SMARCA5: variants seen among roughly 807,000 people sequenced by gnomAD.
The protein encoded by SMARCA5 is SWI/SNF-related matrix-associated actin-dependent regulator of chromatin subfamily A member 5.
In SMARCA5, 18 loss-of-function variants were observed where a neutral mutation model predicts 140.4. That is an observed-to-expected ratio of 0.13 (90% CI 0.09 to 0.19). The LOEUF (loss-of-function observed/expected upper bound fraction) is 0.19, where lower values mean the gene tolerates loss of function less well. Among genes scored for constraint, SMARCA5 ranks in the 10% least tolerant of loss-of-function variants. SMARCA5 has a pLI of 1.00. For missense variants in SMARCA5, 606 were observed against 1,276.8 expected (o/e 0.47, Z 8.01); for synonymous variants, 449 against 419.6 (o/e 1.07, Z -0.86).
At chr4:143,541,458 A>G (rs140322258) in intron 14 of SMARCA5, among the ~76,000 whole-genome samples, 52 of 152,324 alleles carry the variant, frequency 3.4e-4, no homozygotes, top group African/African-American at 1.2e-3. Flanking sequence ...ATATGTCTGC[A>G]TACCTGAAGA....
rs1327184152 is a variant in SMARCA5, at chr4:143,555,284, A to G, written c.*2100A>G. ...TGAAGACTGATTGTTGTCATTGCCAAAATCATTGTAGCTTTTACCACCTCC... is the reference window on the plus strand; with the variant it reads ...TGAAGACTGATTGTTGTCATTGCCAGAATCATTGTAGCTTTTACCACCTCC... On this transcript the variant is annotated 3_prime_UTR_variant, in exon 24 of 24. Coordinates refer to ENST00000283131, the MANE Select transcript of SMARCA5 (RefSeq NM_003601.4). 2.5e-6 allele frequency: 2 copies of G among 808,458 alleles called. No individual in the cohort carries two copies. Among genetic ancestry groups the G allele is most frequent in the East Asian group, 2.5e-5 (1 of 40,530 alleles). 50.1% of individuals were successfully genotyped at this position (808,458 alleles called of 1,614,324 possible). A position where few individuals can be genotyped will look rare whatever the true frequency, so the allele number is the denominator to read the frequency against.
rs1737367033 is a variant in SMARCA5, at chr4:143,538,766, C to A, written c.1618-20C>A. ...AAGAATCAGATAAATTTTTTGACAA[C>A]CATTTTGTTTTATCCATAGGACTCC... On this transcript the variant is annotated intron_variant, in intron 12 of 23. Transcript: ENST00000283131. 6.2e-7 allele frequency: 1 copy of A among 1,613,078 alleles called. No individual in the cohort carries two copies. Among genetic ancestry groups the A allele is most frequent in the Non-Finnish European group, 8.5e-7 (1 of 1,179,438 alleles).
chr4:143,548,163 T>G, intron 22 of SMARCA5, 23 bp downstream of exon 22: 1 of 1,439,118 alleles, frequency 6.9e-7, no homozygotes, highest in Non-Finnish European at 9.7e-7. Context: ...GGCTTTTTTG[T>G]GTAATGTAGC....
At chr4:143,518,529 A>AT (rs1462401761) in intron 2 of SMARCA5, among the ~76,000 whole-genome samples, 1 of 152,036 alleles carries the variant, frequency 6.6e-6, no homozygotes, top group African/African-American at 2.4e-5. Flanking sequence ...GATCTTACAT[A>AT]TTTTTTAAAA....
At chr4:143,515,233 G>A (rs531559152) in intron 1 of SMARCA5, among the ~76,000 whole-genome samples, 13 of 152,180 alleles carry the variant, frequency 8.5e-5, no homozygotes, top group Admixed American at 2.6e-4. Context: ...GTTATATTTG[G>A]GTAGCTGGGG....
At chr4:143,551,322 C>A (rs1737636007) in intron 23 of SMARCA5, among the ~76,000 whole-genome samples, 1 of 152,020 alleles carries the variant, frequency 6.6e-6, no homozygotes. Context: ...AATCCTTTGA[C>A]AAATGGGTAG....
Position 143,536,641 on chromosome 4 carries a change from G to C in SMARCA5, c.1458G>C (p.Val486=), listed in dbSNP as rs201819764. The C allele has an allele frequency of 6.2e-7, 1 of 1,613,454 alleles. No individual in the cohort carries two copies. Among genetic ancestry groups the C allele is most frequent in the Non-Finnish European group, 8.5e-7 (1 of 1,179,632 alleles). ...TAGTAACCAACAGTGGCAAAATGGT[G>C]GTTTTAGACAAGCTGCTCCCTAAGT... ...MHLVTNSGKM[V]VLDKLLPKLK... Residue 486 remains valine (V), a synonymous_variant, in exon 11 of 24, where the codon GTG becomes GTC. Coordinates refer to ENST00000283131, the MANE Select transcript of SMARCA5 (RefSeq NM_003601.4).
At chr4:143,545,066 C>T (rs1156883045) in intron 17 of SMARCA5, among the ~76,000 whole-genome samples, 3 of 151,678 alleles carry the variant, frequency 2.0e-5, no homozygotes, top group Non-Finnish European at 4.4e-5. Context: ...CCTCACCCTT[C>T]CGAGTAGCTG....
Position 143,514,020 on chromosome 4 carries a change from C to T in SMARCA5, c.96C>T (p.Ser32=). The change falls in exon 1 of 24, where the codon AGC becomes AGT. Residue 32 remains serine (S), a synonymous_variant. Transcript: ENST00000283131. ...TCGCCAGCGGCGGGAGCAACAGCAG[C>T]AACAAAGGCGGCCCCGAAGGCGTCG... ...ASIASGGSNS[S]NKGGPEGVAA... 1 of 1,553,076 alleles carries T rather than the reference C, an allele frequency of 6.4e-7. No homozygotes were observed. The highest frequency in any genetic ancestry group is 8.6e-7 in the Non-Finnish European group (1 of 1,156,900).
chr4:143,544,139 A>AG (rs1365443383), intron 16 of SMARCA5, 167 bp downstream of exon 16: 3 of 423,258 alleles, frequency 7.1e-6, no homozygotes, highest in Non-Finnish European at 1.2e-5. Flanking sequence ...CCAGTTTTTC[A>AG]GTTGGTAAGC....
At chr4:143,550,225 CTTTTTT>C (rs70953739) in intron 23 of SMARCA5, 121 bp downstream of exon 23, 28 of 215,574 alleles carry the variant, frequency 1.3e-4, no homozygotes, top group East Asian at 4.8e-4. Flanking sequence ...ATTGCCTTTA[CTTTTTT>C]TTTTTTTTTT....
chr4:143,520,286 TG>T (rs1235905877), intron 2 of SMARCA5, among the ~76,000 whole-genome samples: 2 of 152,244 alleles, frequency 1.3e-5, no homozygotes, highest in Non-Finnish European at 2.9e-5. Context: ...CATTCACATA[TG>T]TATCTTGTTC....
At chr4:143,517,534 C>T (rs1736866028) in intron 2 of SMARCA5, 105 bp downstream of exon 2, 1 of 627,678 alleles carries the variant, frequency 1.6e-6, no homozygotes, top group East Asian at 3.3e-5. Context: ...AACAATACCA[C>T]AGACTGGGTA....
At position 143,556,284 on chromosome 4, in the gene SMARCA5, T is replaced by TATATAAATGATC. The variant is rs1406632253; in HGVS notation, c.*3101_*3112dup. The TATATAAATGATC allele has an allele frequency of 6.6e-6, 1 of 152,222 alleles. No individual in the cohort carries two copies. Among genetic ancestry groups the TATATAAATGATC allele is most frequent in the Non-Finnish European group, 1.5e-5 (1 of 68,036 alleles). 9.4% of individuals were successfully genotyped at this position (152,222 alleles called of 1,614,324 possible). ...ATCTGGATTTAATTATATAAATGAT[T>TATATAAATGATC]ATATAAATGATCTTTGGCTTAGTAC... On this transcript the variant is annotated 3_prime_UTR_variant, in exon 24 of 24. Transcript: ENST00000283131.
chr4:143,535,160 C>G (rs1272170746), intron 10 of SMARCA5, among the ~76,000 whole-genome samples, 196 bp downstream of exon 10: 1 of 152,106 alleles, frequency 6.6e-6, no homozygotes, highest in Non-Finnish European at 1.5e-5. Context: ...TGTTAGATGA[C>G]AGAATCAGGA....
intron 9 of SMARCA5, among the ~76,000 whole-genome samples, chr4:143,534,370 T>G (rs1308700209): frequency 1.3e-5 from 2 of 152,134 alleles, no homozygotes; most frequent in Admixed American, 1.3e-4. Context: ...TTCATATCCA[T>G]AGGTTCCACA....
At chr4:143,546,116 G>A (rs2149824569) in intron 19 of SMARCA5, 69 bp downstream of exon 19, 2 of 1,198,634 alleles carry the variant, frequency 1.7e-6, no homozygotes, top group Non-Finnish European at 2.3e-6. Context: ...GTTATGTTGG[G>A]GCATAAAAAT....
chr4:143,550,243 T>TTTC (rs1737616730), intron 23 of SMARCA5, 139 bp downstream of exon 23: 4 of 391,374 alleles, frequency 1.0e-5, no homozygotes, highest in African/African-American at 2.2e-5. Flanking sequence ...TTTTTTTTTT[T>TTTC]TTCCTTAAGG....
At position 143,543,847 on chromosome 4, in the gene SMARCA5, C is replaced by A; in HGVS notation, c.2053-6C>A. The A allele has an allele frequency of 2.5e-6, 4 of 1,596,398 alleles. No individual in the cohort carries two copies. The highest frequency in any genetic ancestry group is 3.4e-6 in the Non-Finnish European group (4 of 1,175,404). ...AATCTAAGAAGCTGATTGTTTTGTT[C>A]TCTAGACTGCAGAGATGAATGAAAA... On this transcript the variant is annotated splice_region_variant and splice_polypyrimidine_tract_variant and intron_variant, in intron 15 of 23. Coordinates refer to ENST00000283131, the MANE Select transcript of SMARCA5 (RefSeq NM_003601.4).
Sources: allele counts gnomAD v4.1 joint callset (sites outside exome capture counted in the v4.1 genomes callset), GRCh38; gene constraint gnomAD v4.1.1; transcripts MANE v1.5; gene names NCBI Gene and HGNC (gene_info 2026-07-23, HGNC 2026-07-21).